HIP1: variants seen among roughly 807,000 people sequenced by gnomAD.
HIP1 encodes the protein huntingtin-interacting protein 1.
HIP1 carries 65 observed loss-of-function variants against 147.6 expected under a neutral mutation model. That is an observed-to-expected ratio of 0.44 (90% CI 0.36 to 0.54). HIP1 has a LOEUF of 0.54. Among genes scored for constraint, HIP1 ranks in the 20% least tolerant of loss-of-function variants. The probability of loss-of-function intolerance (pLI) is 0.00; values close to 1 mark genes in which losing one functional copy is unlikely to be tolerated. For missense variants in HIP1, 1,061 were observed against 1,299.6 expected (o/e 0.82, Z 2.82); for synonymous variants, 479 against 504.0 (o/e 0.95, Z 0.67).
chr7:75,583,430 A>G (rs587669056), intron 5 of HIP1, among the ~76,000 whole-genome samples: 3 of 152,196 alleles, frequency 2.0e-5, no homozygotes, highest in Non-Finnish European at 4.4e-5. Context: ...ACAAGATACC[A>G]TGCACTGGGT....
At chr7:75,554,851 G>T (rs1164228438) in intron 19 of HIP1, among the ~76,000 whole-genome samples, 1 of 152,050 alleles carries the variant, frequency 6.6e-6, no homozygotes, top group East Asian at 1.9e-4. Context: ...CAAGGTGGGA[G>T]TTCAGAAGTT....
At chr7:75,719,383 A>G (rs1801429946) in intron 1 of HIP1, among the ~76,000 whole-genome samples, 1 of 152,020 alleles carries the variant, frequency 6.6e-6, no homozygotes, top group African/African-American at 2.4e-5. Flanking sequence ...AGGCACCTAT[A>G]GTCCCAGCTA....
At chr7:75,576,258 T>C (rs1205320753) in intron 7 of HIP1, among the ~76,000 whole-genome samples, 1 of 152,202 alleles carries the variant, frequency 6.6e-6, no homozygotes, top group African/African-American at 2.4e-5. Flanking sequence ...CTGGGAAAAG[T>C]GCATGGAATT....
intron 2 of HIP1, among the ~76,000 whole-genome samples, chr7:75,595,280 C>CTTT (rs1177431465): frequency 0.018 from 2,007 of 111,708 alleles, 49 homozygotes; most frequent in African/African-American, 0.043. Flanking sequence ...TCCTTCCTTC[C>CTTT]TTCCTTTCTT....
chr7:75,609,250 T>C (rs587654873), intron 1 of HIP1, among the ~76,000 whole-genome samples: 1 of 152,320 alleles, frequency 6.6e-6, no homozygotes, highest in Non-Finnish European at 1.5e-5. Flanking sequence ...TCATAGTGGC[T>C]GTACCCATGA....
chr7:75,558,499 G>A (rs1203015124), intron 14 of HIP1, among the ~76,000 whole-genome samples: 7 of 152,010 alleles, frequency 4.6e-5, no homozygotes, highest in Non-Finnish European at 8.8e-5. Context: ...CACCACACCC[G>A]GCTAATTTTT....
At chr7:75,573,999 C>T in intron 7 of HIP1, 98 bp from the exon 8 acceptor site, 8 of 1,030,734 alleles carry the variant, frequency 7.8e-6, no homozygotes, top group Non-Finnish European at 1.2e-5. Context: ...ACACCAAGGA[C>T]CGATTCTGTG....
intron 1 of HIP1, among the ~76,000 whole-genome samples, chr7:75,722,593 G>T (rs1340062329): frequency 6.6e-6 from 1 of 152,140 alleles, no homozygotes; most frequent in Non-Finnish European, 1.5e-5. Flanking sequence ...TAAGTATCCG[G>T]ATGCGGCAGG....
At chr7:75,737,260 C>T (rs1554523803) in intron 1 of HIP1, among the ~76,000 whole-genome samples, 1 of 151,870 alleles carries the variant, frequency 6.6e-6, no homozygotes, top group South Asian at 2.1e-4. Context: ...CAGGGTCGCA[C>T]TATGTTGCCC....
intron 1 of HIP1, among the ~76,000 whole-genome samples, chr7:75,662,747 C>T (rs1012897047): frequency 6.6e-6 from 1 of 152,170 alleles, no homozygotes; most frequent in Non-Finnish European, 1.5e-5. Flanking sequence ...CTCAAATGAT[C>T]CATCCTCCTC....
chr7:75,603,787 C>A (rs587650984), intron 1 of HIP1, among the ~76,000 whole-genome samples: 1 of 151,550 alleles, frequency 6.6e-6, no homozygotes, highest in South Asian at 2.1e-4. Flanking sequence ...GTGGGAGGAT[C>A]GCTTAAGCCC....
chr7:75,704,728 C>T lies in HIP1; in HGVS notation c.120+34073G>A, dbSNP rs62477603. 4.1e-3 allele frequency among the ~76,000 whole-genome samples: 616 copies of T among 152,060 alleles called. 2 individuals are homozygous for T. Among genetic ancestry groups the T allele is most frequent in the Admixed American group, 0.011 (161 of 15,242 alleles). ...AGCTGGAATTACAGGCACCCGCCATCATGCCCGGCTAATTTTTGTATTTCT... is the reference window on the plus strand; with the variant it reads ...AGCTGGAATTACAGGCACCCGCCATTATGCCCGGCTAATTTTTGTATTTCT... On this transcript the variant is annotated intron_variant, in intron 1 of 30. Transcript: ENST00000336926.
chr7:75,536,009 C>T lies in HIP1; in HGVS notation c.*2163G>A, dbSNP rs115386626. On this transcript the variant is annotated 3_prime_UTR_variant, in exon 31 of 31. Coordinates refer to ENST00000336926, the MANE Select transcript of HIP1 (RefSeq NM_005338.7). ...GATTACAGGCGTGAGCCACTGTGCC[C>T]GGCCACCCCTTGGTAATTGGGAACA... 1,857 of 180,864 alleles carry T rather than the reference C, an allele frequency of 0.01. 40 individuals are homozygous for T. Among genetic ancestry groups the T allele is most frequent in the African/African-American group, 0.04 (1,706 of 42,462 alleles). The allele number at this position is 180,864 out of a possible 1,614,324, so 11.2% of individuals were successfully genotyped here. A position where few individuals can be genotyped will look rare whatever the true frequency, so the allele number is the denominator to read the frequency against.
At chr7:75,695,720 A>T (rs1800614001) in intron 1 of HIP1, among the ~76,000 whole-genome samples, 1 of 151,972 alleles carries the variant, frequency 6.6e-6, no homozygotes, top group Non-Finnish European at 1.5e-5. Context: ...GATTACAGGC[A>T]TGCACCACCA....
intron 22 of HIP1, 30 bp from the exon 23 acceptor site, chr7:75,549,031 C>T (rs916491357): frequency 6.8e-6 from 10 of 1,472,794 alleles, no homozygotes; most frequent in Non-Finnish European, 9.5e-6. Context: ...GCTGAACTGA[C>T]CTTGGGGCCT....
At chr7:75,693,919 C>CTATTT (rs1321620934) in intron 1 of HIP1, among the ~76,000 whole-genome samples, 1 of 114,876 alleles carries the variant, frequency 8.7e-6, no homozygotes, top group African/African-American at 3.5e-5. Flanking sequence ...ATTCTCTTTT[C>CTATTT]TTTTTTTTTT....
chr7:75,724,060 G>A (rs868975673), intron 1 of HIP1, among the ~76,000 whole-genome samples: 5 of 152,002 alleles, frequency 3.3e-5, no homozygotes, highest in Non-Finnish European at 5.9e-5. Flanking sequence ...GGGCTCAAGC[G>A]ATTCTCTCAC....
At chr7:75,566,005 C>A (rs1445706623) in intron 9 of HIP1, among the ~76,000 whole-genome samples, 10 of 150,956 alleles carry the variant, frequency 6.6e-5, no homozygotes, top group African/African-American at 2.2e-4. Flanking sequence ...TGAGCCACTG[C>A]ACCCAGCCTA....
chr7:75,538,019 T>G lies in HIP1; in HGVS notation c.*153A>C. The G allele has an allele frequency of 1.4e-6, 1 of 703,550 alleles. No individual in the cohort carries two copies. Among genetic ancestry groups the G allele is most frequent in the Non-Finnish European group, 2.6e-6 (1 of 381,196 alleles). 43.6% of individuals were successfully genotyped at this position (703,550 alleles called of 1,614,324 possible). On this transcript the variant is annotated 3_prime_UTR_variant, in exon 31 of 31. Transcript: ENST00000336926. ...AGAAAGGGTGTCGCTATGGAGGGAG[T>G]CTTTGGAAGTGTCATGCATGTCCTC... is the stretch of plus-strand genomic sequence containing the variant.
Sources: gnomAD v4.1 joint callset for allele counts (sites outside exome capture counted in the v4.1 genomes callset) on GRCh38, gnomAD v4.1.1 for gene constraint, MANE v1.5 for transcripts, NCBI Gene and HGNC (gene_info 2026-07-23, HGNC 2026-07-21) for gene names.